Variants in RAB39A observed in about 807,000 individuals in gnomAD.
RAB39A encodes the protein ras-related protein Rab-39A.
Under a neutral mutation model 20.9 loss-of-function variants are expected in RAB39A, and 17 were observed. That is an observed-to-expected ratio of 0.81 (90% CI 0.56 to 1.22). The LOEUF (loss-of-function observed/expected upper bound fraction) is 1.22, where lower values mean the gene tolerates loss of function less well. Among genes scored for constraint, RAB39A ranks in the 50% most tolerant of loss-of-function variants. The probability of loss-of-function intolerance (pLI) is 0.00; values close to 1 mark genes in which losing one functional copy is unlikely to be tolerated. For missense variants in RAB39A, 234 were observed against 270.5 expected, an observed-to-expected ratio of 0.87 and a Z score of 0.95; for synonymous variants, 99 against 103.4, an observed-to-expected ratio of 0.96 and a Z score of 0.26.
At chr11:107,931,378 G>A (rs568172823) in intron 1 of RAB39A, among the ~76,000 whole-genome samples, 1 of 152,290 alleles carries the variant, frequency 6.6e-6, no homozygotes, top group African/African-American at 2.4e-5. Flanking sequence ...TATAATGCAA[G>A]GACATTTAGG....
chr11:107,958,153 A>C (rs1861457517), intron 1 of RAB39A, among the ~76,000 whole-genome samples: 1 of 152,026 alleles, frequency 6.6e-6, no homozygotes, highest in Non-Finnish European at 1.5e-5. Context: ...TGGCCTCCCA[A>C]ATTGCTGGGA....
At chr11:107,950,882 A>C (rs932554026) in intron 1 of RAB39A, among the ~76,000 whole-genome samples, 1 of 152,176 alleles carries the variant, frequency 6.6e-6, no homozygotes, top group African/African-American at 2.4e-5. Context: ...ATTGCTACAG[A>C]GGAAAATAGA....
chr11:107,942,874 A>C (rs1042774148), intron 1 of RAB39A, among the ~76,000 whole-genome samples: 4 of 152,186 alleles, frequency 2.6e-5, no homozygotes, highest in Admixed American at 6.6e-5. Context: ...TTTGGTTTGC[A>C]TACAACTCAA....
intron 1 of RAB39A, among the ~76,000 whole-genome samples, chr11:107,930,966 T>C (rs990722807): frequency 6.6e-6 from 1 of 152,012 alleles, no homozygotes; most frequent in African/African-American, 2.4e-5. Flanking sequence ...ATAGAGATGA[T>C]TGTTTTTTAA....
intron 1 of RAB39A, among the ~76,000 whole-genome samples, chr11:107,937,667 CT>C (rs2134953605): frequency 6.6e-6 from 1 of 152,116 alleles, no homozygotes; most frequent in Non-Finnish European, 1.5e-5. Flanking sequence ...TCCCAAGTAG[CT>C]GGGATTACAG....
rs766352267 is a variant in RAB39A, at chr11:107,962,417, T to C, written c.*45T>C. The C allele has an allele frequency of 4.8e-5, 72 of 1,511,498 alleles. 1 individual carries two copies. The South Asian group carries it at 9.3e-4, about 19-fold the overall frequency. The allele number at this position is 1,511,498 out of a possible 1,614,324, so 93.6% of individuals were successfully genotyped here. A position where few individuals can be genotyped will look rare whatever the true frequency, so the allele number is the denominator to read the frequency against. On this transcript the variant is annotated 3_prime_UTR_variant, in exon 2 of 2. Coordinates refer to ENST00000320578, the MANE Select transcript of RAB39A (RefSeq NM_017516.3). The stretch of plus-strand genomic sequence containing the variant: ...CTAACAGGAACAGATTGGGTGTCAG[T>C]TCAGGATAAATACCAACATTAACAG...
At chr11:107,936,996 C>T (rs1861201248) in intron 1 of RAB39A, among the ~76,000 whole-genome samples, 1 of 151,706 alleles carries the variant, frequency 6.6e-6, no homozygotes, top group Admixed American at 6.6e-5. Flanking sequence ...GGTAACAGAG[C>T]AGAGATGACC....
At chr11:107,939,663 C>T (rs1311751097) in intron 1 of RAB39A, among the ~76,000 whole-genome samples, 2 of 151,312 alleles carry the variant, frequency 1.3e-5, no homozygotes, top group Non-Finnish European at 2.9e-5. Context: ...AGAGACCTGC[C>T]TGGAGTATTT....
At chr11:107,935,002 C>A (rs1861179905) in intron 1 of RAB39A, among the ~76,000 whole-genome samples, 1 of 151,892 alleles carries the variant, frequency 6.6e-6, no homozygotes, top group Admixed American at 6.6e-5. Flanking sequence ...GGAGCAGCCC[C>A]TAACTATTAC....
At chr11:107,947,807 C>CAAAAAAAAAAAAAAAAAAAAAAAAAAA (rs35694249) in intron 1 of RAB39A, among the ~76,000 whole-genome samples, 5 of 80,212 alleles carry the variant, frequency 6.2e-5, no homozygotes, top group Non-Finnish European at 1.1e-4. Context: ...CATCAACAGG[C>CAAAAAAAAAAAAAAAAAAAAAAAAAAA]AAAAAAAAAA....
At chr11:107,952,951 T>C (rs1195197222) in intron 1 of RAB39A, among the ~76,000 whole-genome samples, 2 of 152,196 alleles carry the variant, frequency 1.3e-5, no homozygotes, top group African/African-American at 4.8e-5. Flanking sequence ...TGATTCCACC[T>C]ATACATGAGG....
At chr11:107,950,565 A>C (rs1861367447) in intron 1 of RAB39A, among the ~76,000 whole-genome samples, 1 of 152,076 alleles carries the variant, frequency 6.6e-6, no homozygotes, top group Non-Finnish European at 1.5e-5. Context: ...TCAGGAGTTC[A>C]AGACCAGCCT....
intron 1 of RAB39A, among the ~76,000 whole-genome samples, chr11:107,939,173 G>C (rs2134955478): frequency 6.6e-6 from 1 of 151,282 alleles, no homozygotes; most frequent in East Asian, 1.9e-4. Flanking sequence ...GAACCCAGGA[G>C]GTGGAGGTTG....
intron 1 of RAB39A, among the ~76,000 whole-genome samples, chr11:107,951,724 A>G (rs1861382398): frequency 6.8e-6 from 1 of 147,770 alleles, no homozygotes; most frequent in African/African-American, 2.5e-5. Flanking sequence ...AGTTCAAGCG[A>G]TCCTGCCACC....
chr11:107,956,324 T>G (rs967572824), intron 1 of RAB39A, among the ~76,000 whole-genome samples: 2 of 152,202 alleles, frequency 1.3e-5, no homozygotes, highest in Non-Finnish European at 2.9e-5. Flanking sequence ...GCTAGGTACT[T>G]GAAAACCATT....
At position 107,959,326 on chromosome 11, in the gene RAB39A, A is replaced by T. The variant is rs187657654; in HGVS notation, c.228-2620A>T. ...AAATTCAAGCTTTCAGTCTAAGAACATAGCCTTAATTAGATTTCTCTTAAG... is the reference window on the plus strand; with the variant it reads ...AAATTCAAGCTTTCAGTCTAAGAACTTAGCCTTAATTAGATTTCTCTTAAG... On this transcript the variant is annotated intron_variant, in intron 1 of 1. Coordinates refer to ENST00000320578, the MANE Select transcript of RAB39A (RefSeq NM_017516.3). 3.9e-5 allele frequency among the ~76,000 whole-genome samples: 6 copies of T among 152,302 alleles called. 1 individual carries two copies. In the South Asian group the frequency reaches 1.2e-3, roughly 32 times the overall value.
At position 107,961,702 on chromosome 11, in the gene RAB39A, G is replaced by T. The variant is rs529805786; in HGVS notation, c.228-244G>T. Reference sequence around the variant, plus strand: ...TAATCAGACAGTATGAGATGACATAGCATGTAAGTGCTTATTTGTCTAACT... The same window carrying T: ...TAATCAGACAGTATGAGATGACATATCATGTAAGTGCTTATTTGTCTAACT... On this transcript the variant is annotated intron_variant, in intron 1 of 1. Coordinates refer to ENST00000320578, the MANE Select transcript of RAB39A (RefSeq NM_017516.3). Among the ~76,000 whole-genome samples the T allele has an allele frequency of 1.9e-4, 29 of 152,268 alleles. No homozygotes were observed. The South Asian group carries it at 4.8e-3, about 25-fold the overall frequency.
At chr11:107,935,250 CAG>C (rs1047094157) in intron 1 of RAB39A, among the ~76,000 whole-genome samples, 64 of 152,290 alleles carry the variant, frequency 4.2e-4, no homozygotes, top group African/African-American at 1.4e-3. Flanking sequence ...ACTACACAGA[CAG>C]AGTAGGACGT....
At chr11:107,937,799 C>A (rs1307949665) in intron 1 of RAB39A, among the ~76,000 whole-genome samples, 1 of 152,170 alleles carries the variant, frequency 6.6e-6, no homozygotes, top group Non-Finnish European at 1.5e-5. Flanking sequence ...AGTCTCTGAG[C>A]CTCTTATTCA....
Sources: gnomAD v4.1 joint callset for allele counts (sites outside exome capture counted in the v4.1 genomes callset) on GRCh38, gnomAD v4.1.1 for gene constraint, MANE v1.5 for transcripts, NCBI Gene and HGNC (gene_info 2026-07-23, HGNC 2026-07-21) for gene names.